The following CPEB4 variants were observed in gnomAD, a reference collection of about 807,000 sequenced individuals.
CPEB4 encodes the protein cytoplasmic polyadenylation element-binding protein 4.
CPEB4 carries 12 observed loss-of-function variants against 72.5 expected under a neutral mutation model. The ratio of observed to expected loss-of-function variants is 0.17; its 90% CI spans 0.11 to 0.27. CPEB4 has a LOEUF of 0.27. CPEB4 is among the 10% of genes least tolerant of loss of function. The pLI is 1.00. For missense variants in CPEB4, 614 were observed against 908.5 expected (o/e 0.68, Z 4.17); for synonymous variants, 302 against 326.3 (o/e 0.93, Z 0.80).
chr5:173,953,894 A>G (rs184541559), intron 9 of CPEB4, among the ~76,000 whole-genome samples: 1 of 152,166 alleles, frequency 6.6e-6, no homozygotes, highest in Non-Finnish European at 1.5e-5. Flanking sequence ...TACTACTCAG[A>G]GTGTGGCCTG....
intron 3 of CPEB4, among the ~76,000 whole-genome samples, chr5:173,942,178 G>C (rs954272707): frequency 1.3e-5 from 2 of 152,142 alleles, no homozygotes; most frequent in Non-Finnish European, 1.5e-5. Context: ...TGGCCTTCTG[G>C]CATTAAAAGC....
chr5:173,930,140 T>C (rs1031312143), intron 2 of CPEB4, among the ~76,000 whole-genome samples: 1 of 151,516 alleles, frequency 6.6e-6, no homozygotes, highest in Non-Finnish European at 1.5e-5. Context: ...CTGCAACCCC[T>C]GCCTCCTGGA....
intron 1 of CPEB4, among the ~76,000 whole-genome samples, chr5:173,904,401 G>C (rs934576291): frequency 6.6e-6 from 1 of 151,994 alleles, no homozygotes; most frequent in Admixed American, 6.6e-5. Flanking sequence ...ATTTATGATG[G>C]GTCTCTAATT....
At chr5:173,927,843 A>C (rs895440983) in intron 2 of CPEB4, among the ~76,000 whole-genome samples, 1 of 152,218 alleles carries the variant, frequency 6.6e-6, no homozygotes, top group Non-Finnish European at 1.5e-5. Flanking sequence ...GCCTGCGTGC[A>C]CATAGATGTT....
At chr5:173,930,365 C>T (rs970771229) in intron 2 of CPEB4, among the ~76,000 whole-genome samples, 2 of 152,072 alleles carry the variant, frequency 1.3e-5, no homozygotes, top group Non-Finnish European at 2.9e-5. Flanking sequence ...CCTCCATCCC[C>T]CAAGTTTTTA....
rs1299602410 is a variant in CPEB4, at chr5:173,929,959, T to C, written c.1208-2491T>C. On this transcript the variant is annotated intron_variant, in intron 2 of 9. Coordinates refer to ENST00000265085, the MANE Select transcript of CPEB4 (RefSeq NM_030627.4). ...AGCTCTTATTCATTTACTAGAGAGT[T>C]TTAGAAGTATAAAATCTCTATATAT... Among the ~76,000 whole-genome samples the C allele has an allele frequency of 3.3e-5, 5 of 152,202 alleles. No individual in the cohort carries two copies. The East Asian group carries it at 9.6e-4, about 29-fold the overall frequency.
intron 3 of CPEB4, among the ~76,000 whole-genome samples, chr5:173,938,124 TG>T (rs2113255944): frequency 6.6e-6 from 1 of 152,342 alleles, no homozygotes; most frequent in South Asian, 2.1e-4. Flanking sequence ...TTCAAGCCTT[TG>T]ATTTATATCT....
chr5:173,911,194 AC>A lies in CPEB4; in HGVS notation c.1207+591del, dbSNP rs201499538. ...CCTCAATTTCTTCACCTTTATAAAG[AC>A]GTAGAATTACCCGGGTGCTTTAAAA... On this transcript the variant is annotated intron_variant, in intron 2 of 9. Coordinates refer to ENST00000265085, the MANE Select transcript of CPEB4 (RefSeq NM_030627.4). Among the ~76,000 whole-genome samples the A allele has an allele frequency of 6.4e-3, 978 of 152,130 alleles. 8 individuals carry two copies. The highest frequency in any genetic ancestry group is 0.023 in the African/African-American group (946 of 41,492).
chr5:173,918,658 C>T (rs1756966193), intron 2 of CPEB4, among the ~76,000 whole-genome samples: 1 of 152,222 alleles, frequency 6.6e-6, no homozygotes, highest in Non-Finnish European at 1.5e-5. Context: ...GCCAGATCCT[C>T]ATCTGCCCCG....
In CPEB4 at chr5:173,889,903, G is replaced by T; in HGVS notation, c.170G>T (p.Gly57Val). Reference protein sequence around the residue: ...NNTAANGSSAGSAWLFPAPAT... With the variant: ...NNTAANGSSAVSAWLFPAPAT... ...ACAGCTGCCAATGGCAGCAGTGCTG[G>T]GTCAGCTTGGCTTTTTCCTGCTCCA... is the stretch of plus-strand genomic sequence containing the variant. Residue 57 changes from glycine (G) to valine (V), a missense_variant, in exon 1 of 10, where the codon GGG (glycine) becomes GTG (valine). Physicochemically the swap from Gly to Val is moderately radical, Grantham distance 109 (BLOSUM62 -3). Coordinates refer to ENST00000265085, the MANE Select transcript of CPEB4 (RefSeq NM_030627.4). The T allele has an allele frequency of 6.2e-7, 1 of 1,614,120 alleles. No homozygotes were observed.
In CPEB4 at chr5:173,917,471, C is replaced by T. The variant is rs910979902; in HGVS notation, c.1207+6867C>T. ...TGGATAGGCTGGGCGTGGTGGCTCA[C>T]GCCTGTAATCCCAGGGCTTTGGGAG... On this transcript the variant is annotated intron_variant, in intron 2 of 9. Transcript: ENST00000265085. 3.9e-5 allele frequency among the ~76,000 whole-genome samples: 6 copies of T among 152,212 alleles called. No individual in the cohort carries two copies. The South Asian group carries it at 1.0e-3, about 26-fold the overall frequency.
At chr5:173,913,596 C>T (rs541977398) in intron 2 of CPEB4, among the ~76,000 whole-genome samples, 11 of 152,300 alleles carry the variant, frequency 7.2e-5, no homozygotes, top group African/African-American at 2.6e-4. Flanking sequence ...ATTTGCTCAA[C>T]GGATAATTGT....
Position 173,944,757 on chromosome 5 carries a change from CTATTAA to C in CPEB4, c.1283-205_1283-200del, listed in dbSNP as rs1331468355. Among the ~76,000 whole-genome samples, 17 of 152,264 alleles carry C rather than the reference CTATTAA, an allele frequency of 1.1e-4. No individual in the cohort carries two copies. In the East Asian group the frequency reaches 3.1e-3, roughly 28 times the overall value. On this transcript the variant is annotated intron_variant, in intron 4 of 9. Transcript: ENST00000265085. ...CCCAGTGGGATACTTGAGTCGCCTT[CTATTAA>C]TATTTAACTGTGTGCTTTCTCTCTG...
chr5:173,907,260 C>T (rs952380237), intron 1 of CPEB4, among the ~76,000 whole-genome samples: 5 of 152,128 alleles, frequency 3.3e-5, no homozygotes, highest in Non-Finnish European at 2.9e-5. Flanking sequence ...AGCGAGACTC[C>T]GTCTCAAAAC....
chr5:173,945,592 G>A (rs1024802277), intron 5 of CPEB4, among the ~76,000 whole-genome samples: 3 of 152,180 alleles, frequency 2.0e-5, no homozygotes, highest in African/African-American at 7.2e-5. Context: ...CTACAAGAAG[G>A]ATAATCTTAC....
chr5:173,907,064 C>G (rs982580474), intron 1 of CPEB4, among the ~76,000 whole-genome samples: 1 of 152,174 alleles, frequency 6.6e-6, no homozygotes, highest in South Asian at 2.1e-4. Flanking sequence ...GTCAAGAGAT[C>G]AAGACCATCC....
chr5:173,902,436 A>G (rs1024279396), intron 1 of CPEB4, among the ~76,000 whole-genome samples: 1 of 152,224 alleles, frequency 6.6e-6, no homozygotes, highest in Non-Finnish European at 1.5e-5. Context: ...TTTTAGACTC[A>G]GTCTAGTAAT....
intron 1 of CPEB4, chr5:173,892,901 T>C (rs1425854232): frequency 6.6e-6 from 1 of 152,096 alleles, no homozygotes; most frequent in Non-Finnish European, 1.5e-5. Context: ...TTATATTGAT[T>C]ATGGGAAAAG....
intron 2 of CPEB4, among the ~76,000 whole-genome samples, chr5:173,913,517 C>T (rs763813520): frequency 4.6e-5 from 7 of 152,144 alleles, no homozygotes; most frequent in African/African-American, 1.4e-4. Context: ...TATTCTGATA[C>T]GATTAACAAT....
Sources: gnomAD v4.1 joint callset for allele counts (sites outside exome capture counted in the v4.1 genomes callset) on GRCh38, gnomAD v4.1.1 for gene constraint, MANE v1.5 for transcripts, NCBI Gene and HGNC (gene_info 2026-07-23, HGNC 2026-07-21) for gene names.